The following TRAF2 variants were observed in gnomAD, a reference collection of about 807,000 sequenced individuals.
TRAF2 encodes the protein TNF receptor-associated factor 2.
A neutral mutation model predicts 55.6 loss-of-function variants in TRAF2; 6 were observed. The ratio of observed to expected loss-of-function variants is 0.11; its 90% CI spans 0.06 to 0.21. The LOEUF (loss-of-function observed/expected upper bound fraction) is 0.21, where lower values mean the gene tolerates loss of function less well. TRAF2 is among the 10% of genes least tolerant of loss of function. The pLI, the probability that TRAF2 is intolerant of heterozygous loss-of-function variation, is 1.00. For synonymous variants in TRAF2, 329 were observed against 276.3 expected, an observed-to-expected ratio of 1.19 and a Z score of -1.89; for missense variants, 561 against 684.5, an observed-to-expected ratio of 0.82 and a Z score of 2.01.
chr9:136,899,534 G>C, intron 2 of TRAF2, 60 bp from the exon 3 acceptor site: 1 of 1,515,042 alleles, frequency 6.6e-7, no homozygotes, highest in South Asian at 1.2e-5. Context: ...GAAGCAAATG[G>C]TGTTTGTTTT....
upstream of TRAF2, among the ~76,000 whole-genome samples, chr9:136,882,493 A>T (rs1849386460): frequency 6.6e-6 from 1 of 152,212 alleles, no homozygotes; most frequent in Admixed American, 6.5e-5. Context: ...CCAGGACAGC[A>T]GCTGCATGTG....
intron 9 of TRAF2, chr9:136,922,268 A>T (rs940591107): frequency 1.3e-5 from 2 of 152,250 alleles, no homozygotes; most frequent in African/African-American, 4.8e-5. Flanking sequence ...AAAATGAAAG[A>T]TTGTTTTAGG....
intron 6 of TRAF2, among the ~76,000 whole-genome samples, chr9:136,913,359 G>A (rs1317468776): frequency 7.7e-6 from 1 of 129,278 alleles, no homozygotes; most frequent in Non-Finnish European, 1.5e-5. Context: ...GTGCAGTGGC[G>A]CAATCTCGGT....
chr9:136,893,148 C>T (rs1234216202), intron 1 of TRAF2, among the ~76,000 whole-genome samples: 2 of 152,158 alleles, frequency 1.3e-5, no homozygotes, highest in Non-Finnish European at 2.9e-5. Flanking sequence ...ATAGCTCTGC[C>T]GCCCACAGGA....
intron 7 of TRAF2, among the ~76,000 whole-genome samples, chr9:136,917,204 G>A (rs1222265679): frequency 1.3e-5 from 2 of 152,348 alleles, no homozygotes; most frequent in East Asian, 1.9e-4. Context: ...GTTCTGGCCT[G>A]TTCACAGATG....
At position 136,908,116 on chromosome 9, in the gene TRAF2, C is replaced by T. The variant is rs564187407; in HGVS notation, c.413C>T (p.Ala138Val). 7.2e-5 allele frequency: 115 copies of T among 1,606,134 alleles called. No homozygotes were observed. The East Asian group carries it at 7.6e-4, about 11-fold the overall frequency. ...CCGCTCATGCTGACCGAATGTCCCG[C>T]GTGCAAAGGCCTGGTCCGCCTTGGT... ...RCPLMLTECP[A>V]CKGLVRLGEK... Residue 138 changes from alanine to valine, a missense_variant, in exon 5 of 11, where the codon GCG becomes GTG. This residue lies in a region of TRAF2 where 426 missense variants were observed against 476.8 expected (regional missense o/e 0.89). Coordinates refer to ENST00000247668, the MANE Select transcript of TRAF2 (RefSeq NM_021138.4).
At chr9:136,910,088 C>T (rs1489671492) in intron 6 of TRAF2, 94 bp downstream of exon 6, 2 of 1,333,488 alleles carry the variant, frequency 1.5e-6, no homozygotes, top group Middle Eastern at 1.8e-4. Context: ...GGTTATGACC[C>T]TTGTGCCCAA....
Position 136,923,804 on chromosome 9 carries a change from C to T in TRAF2, c.1139-48C>T, listed in dbSNP as rs137854931. On this transcript the variant is annotated intron_variant, in intron 9 of 10. Transcript: ENST00000247668. The stretch of plus-strand genomic sequence containing the variant: ...CAGCCAGGCAGGAAGAGCCCTGCCC[C>T]GCCCTTGCTGAGTGTCAGCTCACCA... The T allele has an allele frequency of 4.8e-5, 77 of 1,597,074 alleles. No homozygotes were observed. The East Asian group carries it at 1.0e-3, about 21-fold the overall frequency.
rs754950511 is a variant in TRAF2 at position 136,909,970 on chromosome 9, CAAG to C, written c.587_589del (p.Lys196del). 4.4e-5 allele frequency: 71 copies of C among 1,613,796 alleles called. No individual in the cohort carries two copies. The highest frequency in any genetic ancestry group is 5.2e-5 in the Non-Finnish European group (61 of 1,179,996). On this transcript the variant is annotated inframe_deletion, in exon 6 of 11. Transcript: ENST00000247668. ...TCCCCTTAACTTGTGACGGCTGCGGCAAGAAGAAGATCCCCCGGGAGAAGGTGA... is the reference window on the plus strand; with the variant it reads ...TCCCCTTAACTTGTGACGGCTGCGGCAAGAAGATCCCCCGGGAGAAGGTGA...
intron 6 of TRAF2, among the ~76,000 whole-genome samples, chr9:136,914,886 T>TAA (rs915160013): frequency 2.1e-5 from 3 of 144,154 alleles, no homozygotes; most frequent in African/African-American, 5.1e-5. Flanking sequence ...GATTGCCCTT[T>TAA]AAAAAAAAAA....
intron 9 of TRAF2, among the ~76,000 whole-genome samples, chr9:136,923,624 A>C (rs1238902232): frequency 1.3e-5 from 2 of 151,662 alleles, no homozygotes; most frequent in African/African-American, 2.4e-5. Context: ...AAAAAAAAAA[A>C]AAAAAAAAAA....
chr9:136,924,701 AAC>A (rs1304414442), intron 10 of TRAF2, among the ~76,000 whole-genome samples: 5 of 152,150 alleles, frequency 3.3e-5, no homozygotes, highest in African/African-American at 1.2e-4. Flanking sequence ...CAGAGGAAGG[AAC>A]ACAGCTTCGG....
intron 7 of TRAF2, 77 bp downstream of exon 7, chr9:136,916,692 C>T: frequency 7.0e-7 from 1 of 1,437,274 alleles, no homozygotes. Context: ...CCAGTGCTTC[C>T]TGGTTTCCTT....
At chr9:136,922,962 G>A (rs935861466) in intron 9 of TRAF2, among the ~76,000 whole-genome samples, 1 of 149,460 alleles carries the variant, frequency 6.7e-6, no homozygotes, top group African/African-American at 2.5e-5. Context: ...CTGGGGGCAC[G>A]CGGTGGAGGA....
intron 4 of TRAF2, among the ~76,000 whole-genome samples, chr9:136,903,764 C>G: frequency 6.6e-6 from 1 of 152,126 alleles, no homozygotes; most frequent in Non-Finnish European, 1.5e-5. Flanking sequence ...TCACTGCAAG[C>G]TCCGCCTCCC....
chr9:136,925,983 T>C lies in TRAF2; in HGVS notation c.*82T>C. On this transcript the variant is annotated 3_prime_UTR_variant, in exon 11 of 11. Coordinates refer to ENST00000247668, the MANE Select transcript of TRAF2 (RefSeq NM_021138.4). ...GGGGCCACCACGCTGGGCCAGGGTC[T>C]CACTGTACAAGTGGGCAGGGGCCGC... is the stretch of plus-strand genomic sequence containing the variant. 6.5e-7 allele frequency: 1 copy of C among 1,541,426 alleles called. No individual in the cohort carries two copies. Among genetic ancestry groups the C allele is most frequent in the Non-Finnish European group, 8.9e-7 (1 of 1,122,196 alleles).
chr9:136,908,935 G>T (rs1222144012), intron 5 of TRAF2, among the ~76,000 whole-genome samples: 1 of 150,346 alleles, frequency 6.7e-6, no homozygotes, highest in Admixed American at 6.6e-5. Context: ...CTACTCGGGA[G>T]GCTGAGGCAG....
chr9:136,923,582 C>T (rs1392377081), intron 9 of TRAF2, among the ~76,000 whole-genome samples: 1 of 123,596 alleles, frequency 8.1e-6, no homozygotes, highest in African/African-American at 3.3e-5. Flanking sequence ...CTGCACTCAG[C>T]CTGGGCAACA....
intron 1 of TRAF2, among the ~76,000 whole-genome samples, chr9:136,896,758 G>A (rs188680795): frequency 2.0e-5 from 3 of 152,116 alleles, no homozygotes; most frequent in Admixed American, 2.0e-4. Context: ...ACAGGCGCCC[G>A]CCGCCACGCC....
Sources: gnomAD v4.1 joint callset for allele counts (sites outside exome capture counted in the v4.1 genomes callset) on GRCh38, gnomAD v4.1.1 for gene constraint, gnomAD v4.1.1 regional missense constraint, MANE v1.5 for transcripts, NCBI Gene and HGNC (gene_info 2026-07-23, HGNC 2026-07-21) for gene names.